Variants in BNC2 observed in about 807,000 individuals in gnomAD.
The protein encoded by BNC2 is zinc finger protein basonuclin-2.
A neutral mutation model predicts 76.3 loss-of-function variants in BNC2; 20 were observed. That is an observed-to-expected ratio of 0.26 (90% CI 0.18 to 0.38). The LOEUF (loss-of-function observed/expected upper bound fraction) is 0.38. BNC2 is among the 10% of genes least tolerant of loss of function. The probability of loss-of-function intolerance (pLI) is 1.00; values close to 1 mark genes in which losing one functional copy is unlikely to be tolerated. For missense variants in BNC2, 1,382 were observed against 1,399.8 expected (o/e 0.99, Z 0.20); for synonymous variants, 582 against 514.8 (o/e 1.13, Z -1.77).
chr9:16,738,773 T>G (rs2135131545), intron 1 of BNC2, among the ~76,000 whole-genome samples: 1 of 152,206 alleles, frequency 6.6e-6, no homozygotes, highest in South Asian at 2.1e-4. Flanking sequence ...CCACTTAATA[T>G]GACACTTTTA....
At chr9:16,774,148 ATTT>A (rs955763084) in intron 1 of BNC2, among the ~76,000 whole-genome samples, 2 of 151,978 alleles carry the variant, frequency 1.3e-5, no homozygotes, top group South Asian at 2.1e-4. Context: ...CACCCAGCTA[ATTT>A]TTTTATTTTT....
chr9:16,865,742 G>A (rs1159534442), intron 1 of BNC2, among the ~76,000 whole-genome samples: 1 of 152,078 alleles, frequency 6.6e-6, no homozygotes, highest in Non-Finnish European at 1.5e-5. Flanking sequence ...AAGTTATGAC[G>A]ATAGCAAAAA....
At chr9:16,795,263 T>G (rs555467708) in intron 1 of BNC2, among the ~76,000 whole-genome samples, 1 of 151,896 alleles carries the variant, frequency 6.6e-6, no homozygotes, top group African/African-American at 2.4e-5. Flanking sequence ...CAACACAAGA[T>G]AGTAAGGCGA....
chr9:16,447,798 T>C (rs1444330982), intron 5 of BNC2, among the ~76,000 whole-genome samples: 11 of 152,070 alleles, frequency 7.2e-5, no homozygotes, highest in Admixed American at 6.6e-5. Context: ...ACAAAATAAA[T>C]GTTATATATC....
intron 5 of BNC2, among the ~76,000 whole-genome samples, chr9:16,506,511 C>CTTTTTTGTTTTTTTTTTTTTTTT (rs1563814965): frequency 1.2e-5 from 1 of 81,428 alleles, no homozygotes; most frequent in African/African-American, 5.5e-5. Context: ...TCTCTCTCTC[C>CTTTTTTGTTTTTTTTTTTTTTTT]TCTTTTTTTT....
intron 1 of BNC2, among the ~76,000 whole-genome samples, chr9:16,777,051 A>G (rs1206398599): frequency 2.0e-5 from 3 of 152,078 alleles, no homozygotes; most frequent in Admixed American, 1.3e-4. Flanking sequence ...ACTTGAACCT[A>G]GGAGGCGGAG....
intron 3 of BNC2, among the ~76,000 whole-genome samples, chr9:16,646,844 G>C (rs1235849334): frequency 6.6e-6 from 1 of 152,158 alleles, no homozygotes; most frequent in African/African-American, 2.4e-5. Context: ...ATGAGATATT[G>C]TAACAGCTGG....
At chr9:16,699,779 C>CAG (rs1160800984) in intron 3 of BNC2, among the ~76,000 whole-genome samples, 5 of 152,174 alleles carry the variant, frequency 3.3e-5, no homozygotes, top group Non-Finnish European at 7.3e-5. Context: ...GGAAAGAGAT[C>CAG]AGTTCAAATG....
intron 3 of BNC2, among the ~76,000 whole-genome samples, chr9:16,686,961 G>A (rs1444669322): frequency 6.6e-6 from 1 of 152,134 alleles, no homozygotes; most frequent in African/African-American, 2.4e-5. Flanking sequence ...TTACCCAAGA[G>A]TTTCACACGT....
At chr9:16,662,297 C>G (rs74349195) in intron 3 of BNC2, among the ~76,000 whole-genome samples, 3,043 of 152,288 alleles carry the variant, frequency 0.02, 104 homozygotes, top group African/African-American at 0.067. Context: ...AAGTGTACAA[C>G]AGGGCAAGGT....
intron 5 of BNC2, among the ~76,000 whole-genome samples, chr9:16,532,748 T>G (rs1437238072): frequency 6.6e-6 from 1 of 152,270 alleles, no homozygotes; most frequent in Non-Finnish European, 1.5e-5. Flanking sequence ...TTTACTATTA[T>G]CTGTGCTCTG....
At chr9:16,683,000 G>A (rs539472560) in intron 3 of BNC2, among the ~76,000 whole-genome samples, 1 of 152,206 alleles carries the variant, frequency 6.6e-6, no homozygotes, top group Non-Finnish European at 1.5e-5. Flanking sequence ...CCAAACTGGA[G>A]TACCCACTTC....
At chr9:16,857,083 T>C (rs1400970086) in intron 1 of BNC2, among the ~76,000 whole-genome samples, 1 of 152,218 alleles carries the variant, frequency 6.6e-6, no homozygotes, top group Non-Finnish European at 1.5e-5. Context: ...GTAACATTAA[T>C]GTTTTATTCA....
intron 3 of BNC2, among the ~76,000 whole-genome samples, chr9:16,726,478 G>T (rs10962553): frequency 0.018 from 2,321 of 132,194 alleles, 37 homozygotes; most frequent in Non-Finnish European, 0.026. Flanking sequence ...CTGGCAAATT[G>T]TTTTTTTTTT....
intron 1 of BNC2, among the ~76,000 whole-genome samples, chr9:16,757,207 A>G (rs182721417): frequency 6.6e-6 from 1 of 152,376 alleles, no homozygotes; most frequent in Admixed American, 6.5e-5. Context: ...CCATGAAAGT[A>G]GACAAGCAGC....
At chr9:16,601,245 G>A (rs902173730) in intron 3 of BNC2, among the ~76,000 whole-genome samples, 1 of 152,138 alleles carries the variant, frequency 6.6e-6, no homozygotes, top group Non-Finnish European at 1.5e-5. Flanking sequence ...CAGAATCGGG[G>A]AATCGCAACT....
chr9:16,821,251 A>AG, intron 1 of BNC2, among the ~76,000 whole-genome samples: 1 of 151,986 alleles, frequency 6.6e-6, no homozygotes, highest in African/African-American at 2.4e-5. Context: ...AAAAAAGAAA[A>AG]AAAAAGGATT....
At chr9:16,847,364 T>A (rs1586932148) in intron 1 of BNC2, among the ~76,000 whole-genome samples, 1 of 131,168 alleles carries the variant, frequency 7.6e-6, no homozygotes, top group African/African-American at 2.9e-5. Flanking sequence ...AAGTATATTT[T>A]GATTTGTTTA....
chr9:16,575,570 A>G (rs1392841132), intron 4 of BNC2, among the ~76,000 whole-genome samples: 2 of 152,208 alleles, frequency 1.3e-5, no homozygotes, highest in Admixed American at 6.5e-5. Flanking sequence ...CAGAGACACA[A>G]TAAGAAAATA....
Sources: gnomAD v4.1 joint callset for allele counts (sites outside exome capture counted in the v4.1 genomes callset) on GRCh38, gnomAD v4.1.1 for gene constraint, MANE v1.5 for transcripts, NCBI Gene and HGNC (gene_info 2026-07-23, HGNC 2026-07-21) for gene names.